The following DNER variants were observed in gnomAD, a reference collection of about 807,000 sequenced individuals.
DNER encodes the protein delta and Notch-like epidermal growth factor-related receptor.
A neutral mutation model predicts 78.2 loss-of-function variants in DNER; 33 were observed. That is an observed-to-expected ratio of 0.42 (90% CI 0.32 to 0.56). DNER has a LOEUF of 0.56. Ranked by LOEUF, DNER falls within the 20% of genes least tolerant of loss-of-function variation. DNER has a pLI of 0.11. For synonymous variants in DNER, 417 were observed against 384.8 expected (o/e 1.08, Z -0.98); for missense variants, 918 against 975.3 (o/e 0.94, Z 0.78).
chr2:229,545,249 G>A, intron 5 of DNER, among the ~76,000 whole-genome samples: 1 of 152,106 alleles, frequency 6.6e-6, no homozygotes, highest in East Asian at 1.9e-4. Flanking sequence ...GAGATCTTCA[G>A]GTGGACCCTG....
chr2:229,466,134 T>C (rs11681072), intron 7 of DNER, among the ~76,000 whole-genome samples: 51,699 of 151,904 alleles, frequency 0.34, 9,896 homozygotes, highest in South Asian at 0.44. Context: ...AAAATTCTTC[T>C]CCTCTCCTGC....
At chr2:229,574,429 G>C (rs771417477) in intron 4 of DNER, among the ~76,000 whole-genome samples, 16 of 152,016 alleles carry the variant, frequency 1.1e-4, no homozygotes, top group South Asian at 4.1e-4. Context: ...AAAACTGTTA[G>C]AGATTTATAT....
chr2:229,682,419 A>T (rs555226645), intron 1 of DNER, among the ~76,000 whole-genome samples: 2 of 152,318 alleles, frequency 1.3e-5, no homozygotes, highest in South Asian at 4.1e-4. Context: ...TAAATATTTC[A>T]CTGAGGTTTT....
intron 1 of DNER, among the ~76,000 whole-genome samples, chr2:229,619,600 A>G (rs926932428): frequency 6.6e-6 from 1 of 152,202 alleles, no homozygotes; most frequent in African/African-American, 2.4e-5. Context: ...AATGCCCTTC[A>G]GTTACAACAG....
At chr2:229,492,398 C>T (rs1311884045) in intron 6 of DNER, among the ~76,000 whole-genome samples, 1 of 152,148 alleles carries the variant, frequency 6.6e-6, no homozygotes, top group Non-Finnish European at 1.5e-5. Context: ...GACACAGGGG[C>T]AATACATTCA....
At chr2:229,679,695 G>C (rs902552078) in intron 1 of DNER, among the ~76,000 whole-genome samples, 1 of 152,028 alleles carries the variant, frequency 6.6e-6, no homozygotes, top group African/African-American at 2.4e-5. Flanking sequence ...TGGCCCATTT[G>C]GTATTTGACA....
chr2:229,691,085 A>T lies in DNER; in HGVS notation c.276+23063T>A, dbSNP rs192397915. Reference sequence around the variant, plus strand: ...ACCAACCATCCTGCTGAGAATAACTAAAAAGCTGGATAAGTGTTGTTTAAA... The same window carrying T: ...ACCAACCATCCTGCTGAGAATAACTTAAAAGCTGGATAAGTGTTGTTTAAA... On this transcript the variant is annotated intron_variant, in intron 1 of 12. Transcript: ENST00000341772. 3.5e-3 allele frequency among the ~76,000 whole-genome samples: 539 copies of T among 152,274 alleles called. 4 individuals carry two copies. Among genetic ancestry groups the T allele is most frequent in the African/African-American group, 0.012 (515 of 41,558 alleles).
rs1693691494 is a variant in DNER, at chr2:229,418,220, G to A, written c.1497C>T (p.Gly499=). The change falls in exon 9 of 13, where the codon GGC becomes GGT. Residue 499 remains glycine, a synonymous_variant. Coordinates refer to ENST00000341772, the MANE Select transcript of DNER (RefSeq NM_139072.4). ...YKCLCDPGYH[G]LYCEEEYNEC... is the part of the protein sequence containing the mutation. ...CATTATATTCCTCCTCACAGTAGAG[G>A]CCATGGTAACCTGAGGGACAGAGAG... 1.2e-6 allele frequency: 2 copies of A among 1,613,886 alleles called. No homozygotes were observed. Among genetic ancestry groups the A allele is most frequent in the African/African-American group, 2.7e-5 (2 of 74,920 alleles).
At chr2:229,403,000 G>A (rs968537052) in intron 10 of DNER, among the ~76,000 whole-genome samples, 1 of 152,214 alleles carries the variant, frequency 6.6e-6, no homozygotes, top group Non-Finnish European at 1.5e-5. Flanking sequence ...GGTTCAGCAA[G>A]AGAGGACAGA....
intron 4 of DNER, among the ~76,000 whole-genome samples, chr2:229,564,377 TCATCATCACCCCATCACCATCATCATCAA>T (rs1697054416): frequency 2.1e-5 from 3 of 144,772 alleles, no homozygotes; most frequent in East Asian, 2.2e-4. Context: ...ACCATCATCA[TCATCATCACCCCATCACCATCATCATCAA>T]CATCATCACA....
chr2:229,526,559 G>T (rs1172680896), intron 5 of DNER, among the ~76,000 whole-genome samples: 4 of 152,166 alleles, frequency 2.6e-5, no homozygotes, highest in Non-Finnish European at 5.9e-5. Flanking sequence ...TTCCACCTCA[G>T]CTCATCGGGC....
At chr2:229,403,224 A>G (rs113246702) in intron 10 of DNER, among the ~76,000 whole-genome samples, 2,469 of 152,306 alleles carry the variant, frequency 0.016, 33 homozygotes, top group Non-Finnish European at 0.028. Context: ...TTTGATTCCA[A>G]GGTAGCTCAA....
chr2:229,532,018 C>T (rs1043679486), intron 5 of DNER, among the ~76,000 whole-genome samples: 1 of 152,008 alleles, frequency 6.6e-6, no homozygotes, highest in African/African-American at 2.4e-5. Context: ...TGGGGAGTAA[C>T]TGCTTAATGA....
chr2:229,613,670 T>C (rs546351363), intron 1 of DNER, among the ~76,000 whole-genome samples: 1 of 145,492 alleles, frequency 6.9e-6, no homozygotes, highest in African/African-American at 2.5e-5. Context: ...TTCCTGGGTA[T>C]TTTTTTTTTC....
intron 1 of DNER, among the ~76,000 whole-genome samples, chr2:229,594,484 G>A (rs1574918533): frequency 6.6e-6 from 1 of 152,240 alleles, no homozygotes; most frequent in Non-Finnish European, 1.5e-5. Context: ...CTACTAGAGA[G>A]GCTAAGGCGG....
chr2:229,548,046 C>T (rs1696658948), intron 4 of DNER, among the ~76,000 whole-genome samples: 1 of 152,140 alleles, frequency 6.6e-6, no homozygotes, highest in African/African-American at 2.4e-5. Flanking sequence ...GTTTCCTCAG[C>T]TCTGTCAAGA....
intron 6 of DNER, among the ~76,000 whole-genome samples, chr2:229,481,906 C>G (rs1295014315): frequency 6.6e-6 from 1 of 152,192 alleles, no homozygotes; most frequent in Non-Finnish European, 1.5e-5. Flanking sequence ...GCATACACAA[C>G]AGGCATTTCA....
intron 7 of DNER, among the ~76,000 whole-genome samples, chr2:229,452,420 T>C (rs1471072155): frequency 6.6e-6 from 1 of 152,052 alleles, no homozygotes; most frequent in Non-Finnish European, 1.5e-5. Flanking sequence ...ATAATGTTGA[T>C]ACAGAGGGTG....
At chr2:229,435,957 T>G (rs1471674168) in intron 8 of DNER, among the ~76,000 whole-genome samples, 1 of 152,226 alleles carries the variant, frequency 6.6e-6, no homozygotes, top group Non-Finnish European at 1.5e-5. Context: ...TTGTGATTTT[T>G]TTTAACTTTT....
Sources: gnomAD v4.1 joint callset for allele counts (sites outside exome capture counted in the v4.1 genomes callset) on GRCh38, gnomAD v4.1.1 for gene constraint, MANE v1.5 for transcripts, NCBI Gene and HGNC (gene_info 2026-07-23, HGNC 2026-07-21) for gene names.